CACNA2D3: variants seen among roughly 807,000 people sequenced by gnomAD.
CACNA2D3 encodes calcium voltage-gated channel auxiliary subunit alpha2delta 3.
Under a neutral mutation model 160.6 loss-of-function variants are expected in CACNA2D3, and 60 were observed. That is an observed-to-expected ratio of 0.37 (90% confidence interval 0.30 to 0.46). The LOEUF (loss-of-function observed/expected upper bound fraction) is 0.46, where lower values mean the gene tolerates loss of function less well. Among genes scored for constraint, CACNA2D3 ranks in the 20% least tolerant of loss-of-function variants. CACNA2D3 has a pLI of 1.00. For missense variants in CACNA2D3, 1,205 were observed against 1,365.0 expected (o/e 0.88, Z 1.85); for synonymous variants, 558 against 492.9 (o/e 1.13, Z -1.75).
intron 2 of CACNA2D3, among the ~76,000 whole-genome samples, chr3:54,143,536 G>A (rs1332731354): frequency 6.6e-6 from 1 of 152,114 alleles, no homozygotes; most frequent in Non-Finnish European, 1.5e-5. Context: ...GGCTTGCTCT[G>A]TCGCCCAGGC....
chr3:54,796,127 G>A (rs1469373600), intron 13 of CACNA2D3, among the ~76,000 whole-genome samples: 1 of 152,110 alleles, frequency 6.6e-6, no homozygotes, highest in African/African-American at 2.4e-5. Context: ...TCTACAAGGA[G>A]ACCACTTCAT....
At position 54,585,449 on chromosome 3, in the gene CACNA2D3, A is replaced by G. The variant is rs368898901; in HGVS notation, c.963+3572A>G. Among the ~76,000 whole-genome samples the G allele has an allele frequency of 1.3e-4, 20 of 152,312 alleles. 2 individuals carry two copies. Among genetic ancestry groups the G allele is most frequent in the African/African-American group, 4.3e-4 (18 of 41,578 alleles). On this transcript the variant is annotated intron_variant, in intron 9 of 37. Transcript: ENST00000474759. ...AGGAATTAGAAAGAGGATGAATAGG[A>G]AAAAAATAAACTGGCAGACTCAAGT... is the stretch of plus-strand genomic sequence containing the variant.
At chr3:54,375,064 G>A (rs2107551972) in intron 3 of CACNA2D3, among the ~76,000 whole-genome samples, 1 of 152,244 alleles carries the variant, frequency 6.6e-6, no homozygotes. Flanking sequence ...CCCTTCCTTT[G>A]TTTTCTGGGC....
At chr3:54,782,079 A>G (rs1230597933) in intron 13 of CACNA2D3, among the ~76,000 whole-genome samples, 1 of 152,232 alleles carries the variant, frequency 6.6e-6, no homozygotes, top group Non-Finnish European at 1.5e-5. Flanking sequence ...GTTCACTTCT[A>G]ATATCCATTG....
chr3:55,007,746 G>T (rs773707684), intron 32 of CACNA2D3, 44 bp from the exon 33 acceptor site: 70 of 1,277,492 alleles, frequency 5.5e-5, no homozygotes, highest in Non-Finnish European at 7.3e-5. Flanking sequence ...TACAAATTTT[G>T]TGTGCACTAC....
intron 3 of CACNA2D3, among the ~76,000 whole-genome samples, chr3:54,339,670 G>T (rs1233331189): frequency 6.6e-6 from 1 of 152,118 alleles, no homozygotes; most frequent in African/African-American, 2.4e-5. Context: ...CCAGAGATCT[G>T]ATCAGAATAT....
At position 54,927,759 on chromosome 3, in the gene CACNA2D3, T is replaced by A. The variant is rs1701065960; in HGVS notation, c.2449+27891T>A. On this transcript the variant is annotated intron_variant, in intron 27 of 37. Coordinates refer to ENST00000474759, the MANE Select transcript of CACNA2D3 (RefSeq NM_018398.3). ...TGCACCCAACATGCGCAAACATAAA[T>A]CATTCCATGCAGAGACATTTTTCAT... 19 of 874,526 alleles carry A rather than the reference T, an allele frequency of 2.2e-5. No homozygotes were observed. The Admixed American group carries it at 3.5e-4, about 16-fold the overall frequency. The allele number at this position is 874,526 out of a possible 1,614,324, so 54.2% of individuals were successfully genotyped here. A position where few individuals can be genotyped will look rare whatever the true frequency, so the allele number is the denominator to read the frequency against.
intron 29 of CACNA2D3, among the ~76,000 whole-genome samples, chr3:54,978,640 A>T (rs1396607525): frequency 6.6e-6 from 1 of 152,232 alleles, no homozygotes; most frequent in East Asian, 1.9e-4. Context: ...TAAACTAAAT[A>T]AGGCGTTCCA....
At chr3:54,347,108 G>A (rs1698473314) in intron 3 of CACNA2D3, among the ~76,000 whole-genome samples, 1 of 152,164 alleles carries the variant, frequency 6.6e-6, no homozygotes. Context: ...AATGTTGATG[G>A]AGCCTTGACC....
chr3:54,644,751 A>G (rs1210038380), intron 11 of CACNA2D3, among the ~76,000 whole-genome samples: 1 of 152,238 alleles, frequency 6.6e-6, no homozygotes, highest in Non-Finnish European at 1.5e-5. Context: ...GATGCAGTAG[A>G]TCTGAGTGAG....
chr3:55,063,974 CT>C (rs1481569941), intron 35 of CACNA2D3, among the ~76,000 whole-genome samples: 1 of 152,202 alleles, frequency 6.6e-6, no homozygotes, highest in Non-Finnish European at 1.5e-5. Context: ...AAACTTTTTC[CT>C]TCTTTCTGTG....
chr3:54,763,788 T>TACGTATATATACGTATATATAC (rs374469206), intron 12 of CACNA2D3, among the ~76,000 whole-genome samples: 7,601 of 38,526 alleles, frequency 0.2, 2,680 homozygotes, highest in Admixed American at 0.31. Flanking sequence ...TACATATATA[T>TACGTATATATACGTATATATAC]GTATATATAT....
At chr3:55,073,136 T>C (rs986327560) in intron 35 of CACNA2D3, among the ~76,000 whole-genome samples, 1 of 152,180 alleles carries the variant, frequency 6.6e-6, no homozygotes, top group Non-Finnish European at 1.5e-5. Flanking sequence ...AAGTCTGACC[T>C]CTTAAACCTT....
At chr3:54,534,014 C>T (rs190654080) in intron 5 of CACNA2D3, among the ~76,000 whole-genome samples, 13 of 152,314 alleles carry the variant, frequency 8.5e-5, no homozygotes, top group South Asian at 2.1e-4. Context: ...CTCTCTTGCA[C>T]ACACCCACAT....
chr3:54,301,361 G>A (rs112803807), intron 2 of CACNA2D3, among the ~76,000 whole-genome samples: 2,589 of 151,898 alleles, frequency 0.017, 73 homozygotes, highest in African/African-American at 0.058. Context: ...CACTTTGGGA[G>A]GCCAAGGCAG....
intron 5 of CACNA2D3, among the ~76,000 whole-genome samples, chr3:54,553,433 C>G (rs1702191843): frequency 6.6e-6 from 1 of 152,216 alleles, no homozygotes; most frequent in African/African-American, 2.4e-5. Flanking sequence ...CCCCTGCCTG[C>G]TATAATTTCA....
chr3:54,554,868 C>CTTTTTTTTTTTTTT (rs1248489904), intron 5 of CACNA2D3, among the ~76,000 whole-genome samples: 15 of 88,186 alleles, frequency 1.7e-4, no homozygotes, highest in African/African-American at 7.5e-4. Context: ...CTCTCTCACT[C>CTTTTTTTTTTTTTT]TCTTTTTTTT....
chr3:54,454,645 A>G (rs1403163093), intron 4 of CACNA2D3, among the ~76,000 whole-genome samples: 2 of 152,148 alleles, frequency 1.3e-5, no homozygotes, highest in African/African-American at 4.8e-5. Context: ...AAAAATATAC[A>G]ATAAATTGTT....
At chr3:54,636,921 C>T (rs998257324) in intron 10 of CACNA2D3, among the ~76,000 whole-genome samples, 1 of 151,832 alleles carries the variant, frequency 6.6e-6, no homozygotes. Context: ...TAAGTGAAAG[C>T]AAAGAGAGGC....
Sources: allele counts gnomAD v4.1 joint callset (sites outside exome capture counted in the v4.1 genomes callset), GRCh38; gene constraint gnomAD v4.1.1; transcripts MANE v1.5; gene names NCBI Gene and HGNC (gene_info 2026-07-23, HGNC 2026-07-21).